The following TTC12 variants were observed in gnomAD, a reference collection of about 807,000 sequenced individuals.
TTC12 encodes tetratricopeptide repeat domain 12.
TTC12 carries 70 observed loss-of-function variants against 90.1 expected under a neutral mutation model. That is an observed-to-expected ratio of 0.78 (90% confidence interval 0.64 to 0.95). TTC12 has a LOEUF of 0.95. Ranked by LOEUF, TTC12 falls within the 40% of genes least tolerant of loss-of-function variation. The probability of loss-of-function intolerance (pLI) is 0.00; values close to 1 mark genes in which losing one functional copy is unlikely to be tolerated. For missense variants in TTC12, 819 were observed against 846.1 expected (o/e 0.97, Z 0.40); for synonymous variants, 296 against 311.5 (o/e 0.95, Z 0.53).
At position 113,325,516 on chromosome 11, in the gene TTC12, T is replaced by C. The variant is rs373620487; in HGVS notation, c.323-8T>C. 6.2e-7 allele frequency: 1 copy of C among 1,613,592 alleles called. No homozygotes were observed. The stretch of plus-strand genomic sequence containing the variant: ...GAGAGCTCACCTGTGTAACTTATAT[T>C]CCCATAGCCCTAAAAGAAAAAGGGA... On this transcript the variant is annotated splice_region_variant and splice_polypyrimidine_tract_variant and intron_variant, in intron 5 of 21. Coordinates refer to ENST00000529221, the MANE Select transcript of TTC12 (RefSeq NM_017868.4).
At chr11:113,330,035 C>CAGCTGCCA in intron 7 of TTC12, 56 bp downstream of exon 7, 1 of 1,378,684 alleles carries the variant, frequency 7.3e-7, no homozygotes, top group Non-Finnish European at 1.0e-6. Context: ...AGATAGAAGG[C>CAGCTGCCA]AGCTGCCAGT....
At chr11:113,344,743 G>C (rs1029628275) in intron 13 of TTC12, among the ~76,000 whole-genome samples, 2 of 152,158 alleles carry the variant, frequency 1.3e-5, no homozygotes, top group South Asian at 2.1e-4. Context: ...TTGCTTCTCC[G>C]TCTTTGGCCT....
intron 7 of TTC12, among the ~76,000 whole-genome samples, chr11:113,330,441 A>G (rs1485596047): frequency 3.3e-5 from 5 of 152,226 alleles, no homozygotes; most frequent in Non-Finnish European, 5.9e-5. Context: ...TTTCAACTTT[A>G]GTCAGGCCTT....
intron 16 of TTC12, among the ~76,000 whole-genome samples, chr11:113,358,114 C>G (rs1287071755): frequency 1.3e-5 from 2 of 152,156 alleles, no homozygotes; most frequent in Non-Finnish European, 2.9e-5. Flanking sequence ...GGAGAAGGAT[C>G]TGCTATACTC....
chr11:113,341,778 AAAAG>A, intron 11 of TTC12, 55 bp from the exon 12 acceptor site: 22 of 1,367,700 alleles, frequency 1.6e-5, no homozygotes, highest in Non-Finnish European at 2.3e-5. Context: ...AACCAAATGG[AAAAG>A]AAAATCAAGA....
intron 12 of TTC12, 138 bp downstream of exon 12, chr11:113,342,063 G>T (rs1191310572): frequency 1.4e-6 from 1 of 723,578 alleles, no homozygotes; most frequent in Non-Finnish European, 2.4e-6. Context: ...CTCCCTCCAG[G>T]AAAGCTTATG....
intron 11 of TTC12, 186 bp from the exon 12 acceptor site, chr11:113,341,651 G>T: frequency 3.4e-6 from 2 of 590,366 alleles, no homozygotes. Flanking sequence ...GGCTTCCTCA[G>T]TCTGCATCCG....
At chr11:113,366,182 C>T (rs755505290) in intron 21 of TTC12, 43 bp from the exon 22 acceptor site, 69 of 1,606,444 alleles carry the variant, frequency 4.3e-5, no homozygotes, top group Non-Finnish European at 7.6e-6. Context: ...GAAGCCTGAA[C>T]CGTGGCACTT....
chr11:113,361,746 T>C (rs1460048127), intron 18 of TTC12, among the ~76,000 whole-genome samples: 1 of 152,140 alleles, frequency 6.6e-6, no homozygotes, highest in African/African-American at 2.4e-5. Flanking sequence ...GCTTTTTTCA[T>C]ACATGTGATT....
chr11:113,323,191 TAAGA>T, intron 2 of TTC12, 93 bp from the exon 3 acceptor site: 1 of 1,024,274 alleles, frequency 9.8e-7, no homozygotes, highest in Non-Finnish European at 1.3e-6. Context: ...TTTTTTTCTT[TAAGA>T]TCTTTCCCAT....
intron 13 of TTC12, among the ~76,000 whole-genome samples, chr11:113,348,181 G>A (rs1258500352): frequency 6.6e-6 from 1 of 152,074 alleles, no homozygotes; most frequent in Non-Finnish European, 1.5e-5. Flanking sequence ...AAGTATCATC[G>A]ACTTAATAAA....
chr11:113,326,122 T>C (rs190932634), intron 6 of TTC12, among the ~76,000 whole-genome samples: 166 of 152,312 alleles, frequency 1.1e-3, no homozygotes, highest in African/African-American at 3.9e-3. Context: ...GCGACAGGGA[T>C]AAAGTGGATA....
intron 14 of TTC12, 149 bp from the exon 15 acceptor site, chr11:113,351,090 T>G: frequency 1.7e-6 from 1 of 605,142 alleles, no homozygotes; most frequent in Non-Finnish European, 2.8e-6. Context: ...CACAGTGACA[T>G]GCTTTTTTCT....
downstream of TTC12, among the ~76,000 whole-genome samples, chr11:113,370,807 G>A (rs1950361516): frequency 6.6e-6 from 1 of 152,216 alleles, no homozygotes; most frequent in Admixed American, 6.5e-5. Context: ...CTTTAAATGA[G>A]GGTGGCTGCC....
intron 18 of TTC12, among the ~76,000 whole-genome samples, chr11:113,361,805 A>AT (rs1274093318): frequency 1.3e-5 from 2 of 152,208 alleles, no homozygotes; most frequent in Non-Finnish European, 2.9e-5. Flanking sequence ...ACACACATAA[A>AT]TAGGAAAACC....
intron 6 of TTC12, 78 bp from the exon 7 acceptor site, chr11:113,329,842 C>G (rs562878193): frequency 3.3e-5 from 39 of 1,197,476 alleles, no homozygotes; most frequent in Non-Finnish European, 2.5e-6. Flanking sequence ...TTCTACTGTT[C>G]GAATGTTCTT....
At chr11:113,349,672 T>G (rs1449310955) in intron 13 of TTC12, among the ~76,000 whole-genome samples, 2 of 152,204 alleles carry the variant, frequency 1.3e-5, no homozygotes, top group Non-Finnish European at 2.9e-5. Flanking sequence ...TAAATCTTTA[T>G]TCCGTCACCC....
At chr11:113,316,637 C>T (rs1946956140) in intron 2 of TTC12, among the ~76,000 whole-genome samples, 1 of 152,244 alleles carries the variant, frequency 6.6e-6, no homozygotes, top group African/African-American at 2.4e-5. Context: ...CTGTTCCCTT[C>T]AAGGGTCAAG....
chr11:113,334,451 G>A (rs1948233638), intron 7 of TTC12, among the ~76,000 whole-genome samples: 2 of 128,800 alleles, frequency 1.6e-5, no homozygotes, highest in South Asian at 4.9e-4. Context: ...GGACTTCCCA[G>A]GTCCACTAAG....
Sources: gnomAD v4.1 joint callset for allele counts (sites outside exome capture counted in the v4.1 genomes callset) on GRCh38, gnomAD v4.1.1 for gene constraint, MANE v1.5 for transcripts, NCBI Gene and HGNC (gene_info 2026-07-23, HGNC 2026-07-21) for gene names.